Variants in RORA observed in about 807,000 individuals in gnomAD.
RORA encodes RAR related orphan receptor A, also known as nuclear receptor ROR-alpha.
RORA carries 7 observed loss-of-function variants against 69.5 expected under a neutral mutation model. That is an observed-to-expected ratio of 0.10 (90% CI 0.06 to 0.19). The LOEUF is 0.19. Among genes scored for constraint, RORA ranks in the 10% least tolerant of loss-of-function variants. The probability of loss-of-function intolerance (pLI) is 1.00; values close to 1 mark genes in which losing one functional copy is unlikely to be tolerated. For synonymous variants in RORA, 261 were observed against 240.8 expected, an observed-to-expected ratio of 1.08 and a Z score of -0.78; for missense variants, 457 against 663.0, an observed-to-expected ratio of 0.69 and a Z score of 3.41.
intron 1 of RORA, among the ~76,000 whole-genome samples, chr15:60,717,870 G>A (rs566580835): frequency 7.9e-6 from 1 of 126,006 alleles, no homozygotes; most frequent in East Asian, 2.5e-4. Flanking sequence ...TGTGAACTCT[G>A]CTCACTGCAA....
At chr15:61,178,400 A>G (rs79566375) in intron 1 of RORA, among the ~76,000 whole-genome samples, 3,726 of 152,306 alleles carry the variant, frequency 0.024, 157 homozygotes, top group African/African-American at 0.086. Flanking sequence ...TAATTTTTAA[A>G]ACATTTTAAA....
At chr15:61,100,132 T>TC (rs761431969) in intron 1 of RORA, among the ~76,000 whole-genome samples, 1 of 148,934 alleles carries the variant, frequency 6.7e-6, no homozygotes, top group Non-Finnish European at 1.5e-5. Flanking sequence ...TTTTTTTTTT[T>TC]CTTTTGAGAT....
At chr15:60,821,066 G>C (rs958108571) in intron 1 of RORA, among the ~76,000 whole-genome samples, 2 of 151,466 alleles carry the variant, frequency 1.3e-5, no homozygotes, top group Non-Finnish European at 2.9e-5. Flanking sequence ...CCTATGCCAG[G>C]TGTCACCAAT....
intron 1 of RORA, among the ~76,000 whole-genome samples, chr15:61,014,910 T>C (rs1317631931): frequency 6.6e-6 from 1 of 152,194 alleles, no homozygotes; most frequent in African/African-American, 2.4e-5. Flanking sequence ...TACCAAGGTT[T>C]GTTTTGAGAG....
At chr15:60,613,601 C>A (rs340018) in intron 2 of RORA, among the ~76,000 whole-genome samples, 1 of 151,838 alleles carries the variant, frequency 6.6e-6, no homozygotes, top group African/African-American at 2.4e-5. Flanking sequence ...GTCTGGCATT[C>A]ATTAAATGAA....
chr15:61,118,550 C>T (rs2140806854), intron 1 of RORA, among the ~76,000 whole-genome samples: 1 of 152,224 alleles, frequency 6.6e-6, no homozygotes, highest in East Asian at 1.9e-4. Context: ...CTATATATCT[C>T]CATTTCACAG....
At chr15:60,719,293 C>T (rs2071263362) in intron 1 of RORA, among the ~76,000 whole-genome samples, 1 of 150,096 alleles carries the variant, frequency 6.7e-6, no homozygotes, top group East Asian at 2.0e-4. Flanking sequence ...AATACTTCGG[C>T]AAAATAAAAA....
chr15:61,070,086 T>C (rs1413411337), intron 1 of RORA, among the ~76,000 whole-genome samples: 2 of 152,246 alleles, frequency 1.3e-5, no homozygotes, highest in East Asian at 3.8e-4. Flanking sequence ...AGTTATATGT[T>C]ATACGTTTTC....
At chr15:60,614,160 T>A (rs554306028) in intron 2 of RORA, among the ~76,000 whole-genome samples, 4 of 152,274 alleles carry the variant, frequency 2.6e-5, no homozygotes, top group South Asian at 4.1e-4. Context: ...TAGAAATTCA[T>A]CCTTTTAGGC....
chr15:60,523,969 C>G lies in RORA; in HGVS notation c.282+7797G>C, dbSNP rs915329614. On this transcript the variant is annotated intron_variant, in intron 3 of 10. Transcript: ENST00000335670. ...GGATTACAGGCATGAGCCACTGCACCCGACCTAGAAGAGAATGACCCACAG... is the reference window on the plus strand; with the variant it reads ...GGATTACAGGCATGAGCCACTGCACGCGACCTAGAAGAGAATGACCCACAG... Among the ~76,000 whole-genome samples the G allele has an allele frequency of 6.6e-5, 10 of 152,302 alleles. No homozygotes were observed. The South Asian group carries it at 8.3e-4, about 13-fold the overall frequency.
chr15:61,048,812 G>T (rs116872349), intron 1 of RORA, among the ~76,000 whole-genome samples: 2 of 152,054 alleles, frequency 1.3e-5, no homozygotes, highest in Non-Finnish European at 2.9e-5. Flanking sequence ...TTCAAGTGCC[G>T]GCCATTTCCT....
intron 2 of RORA, among the ~76,000 whole-genome samples, chr15:60,669,086 T>C (rs2070424370): frequency 6.6e-6 from 1 of 152,092 alleles, no homozygotes; most frequent in South Asian, 2.1e-4. Flanking sequence ...GGTAGCAGAG[T>C]AGCCTGCAGC....
intron 2 of RORA, among the ~76,000 whole-genome samples, chr15:60,627,059 C>T (rs1596076086): frequency 6.6e-6 from 1 of 152,270 alleles, no homozygotes; most frequent in East Asian, 1.9e-4. Context: ...ACCTCGGGTT[C>T]CCATTTTGAT....
At chr15:60,995,800 T>C (rs564202564) in intron 1 of RORA, among the ~76,000 whole-genome samples, 8 of 152,232 alleles carry the variant, frequency 5.3e-5, no homozygotes, top group Admixed American at 5.2e-4. Flanking sequence ...CTCATTGTTA[T>C]GTCCACCACA....
intron 1 of RORA, among the ~76,000 whole-genome samples, chr15:61,005,007 C>T (rs147116896): frequency 1.7e-3 from 256 of 152,232 alleles, no homozygotes; most frequent in Non-Finnish European, 2.0e-3. Flanking sequence ...GTTGCAGATG[C>T]CTTAAATGTG....
intron 1 of RORA, among the ~76,000 whole-genome samples, chr15:60,976,401 C>T (rs982185631): frequency 3.9e-5 from 6 of 152,146 alleles, no homozygotes; most frequent in African/African-American, 9.7e-5. Context: ...AATGAGGAAG[C>T]CAGACTAAAT....
chr15:61,043,864 T>A (rs1233203070), intron 1 of RORA, among the ~76,000 whole-genome samples: 3 of 152,180 alleles, frequency 2.0e-5, no homozygotes, highest in African/African-American at 7.2e-5. Flanking sequence ...TCTTAAGCAC[T>A]GTGTAGCCTG....
chr15:60,734,685 C>T lies in RORA; in HGVS notation c.167-55999G>A, dbSNP rs187492796. Among the ~76,000 whole-genome samples the T allele has an allele frequency of 2.0e-3, 304 of 151,610 alleles. 2 individuals carry two copies. The highest frequency in any genetic ancestry group is 3.3e-3 in the Non-Finnish European group (221 of 67,854). On this transcript the variant is annotated intron_variant, in intron 1 of 10. Coordinates refer to ENST00000335670, the MANE Select transcript of RORA (RefSeq NM_134261.3). Reference sequence around the variant, plus strand: ...ACACTTAACAGAAAAGTAGGTTTCCCTGATTTGAGAGAGATCCACACCTTG... The same window carrying T: ...ACACTTAACAGAAAAGTAGGTTTCCTTGATTTGAGAGAGATCCACACCTTG...
chr15:60,497,490 A>G lies in RORA; in HGVS notation c.1537T>C (p.Ser513Pro). ...FPPLYKELFTSEFEPAMQIDG is the reference protein window; with the variant it reads ...FPPLYKELFTPEFEPAMQIDG ...ATTTGCATTGCTGGCTCAAATTCTGAAGTGAACAACTCCTTGTATAATGGA... is the reference window on the plus strand; with the variant it reads ...ATTTGCATTGCTGGCTCAAATTCTGGAGTGAACAACTCCTTGTATAATGGA... The change falls in exon 11 of 11, where the codon TCA becomes CCA. Residue 513 changes from serine to proline, a missense_variant. Physicochemically the swap from Ser to Pro is moderately conservative, Grantham distance 74. Coordinates refer to ENST00000335670, the MANE Select transcript of RORA (RefSeq NM_134261.3). 1 of 1,614,106 alleles carries G rather than the reference A, an allele frequency of 6.2e-7. No individual in the cohort carries two copies. Among genetic ancestry groups the G allele is most frequent in the South Asian group, 1.1e-5 (1 of 91,072 alleles).
Sources: gnomAD v4.1 joint callset for allele counts (sites outside exome capture counted in the v4.1 genomes callset) on GRCh38, gnomAD v4.1.1 for gene constraint, MANE v1.5 for transcripts, NCBI Gene and HGNC (gene_info 2026-07-23, HGNC 2026-07-21) for gene names.